MYOF: variants seen among roughly 807,000 people sequenced by gnomAD.
MYOF encodes myoferlin.
MYOF carries 244 observed loss-of-function variants against 284.2 expected under a neutral mutation model. The ratio of observed to expected loss-of-function variants is 0.86; its 90% confidence interval spans 0.77 to 0.95. MYOF has a LOEUF of 0.95. MYOF is among the 40% of genes least tolerant of loss of function. The pLI is 0.00. For synonymous variants in MYOF, 904 were observed against 919.7 expected (o/e 0.98, Z 0.31); for missense variants, 2,496 against 2,560.6 (o/e 0.97, Z 0.54).
intron 19 of MYOF, among the ~76,000 whole-genome samples, chr10:93,387,147 C>G (rs1262926506): frequency 1.3e-5 from 2 of 152,190 alleles, no homozygotes; most frequent in African/African-American, 4.8e-5. Context: ...TGTTTGGTTT[C>G]TGCTGTAAAG....
At chr10:93,412,214 A>T (rs554149072) in intron 5 of MYOF, among the ~76,000 whole-genome samples, 100 of 152,362 alleles carry the variant, frequency 6.6e-4, no homozygotes, top group African/African-American at 2.1e-3. Context: ...CCTCTCTGGT[A>T]TAAAACTGGG....
intron 3 of MYOF, among the ~76,000 whole-genome samples, chr10:93,449,309 A>T (rs1488259193): frequency 6.6e-6 from 1 of 152,236 alleles, no homozygotes; most frequent in African/African-American, 2.4e-5. Context: ...TATTTGTGTT[A>T]ATCTGGCAAC....
At chr10:93,343,768 T>C (rs1388232079) in intron 38 of MYOF, 88 bp downstream of exon 38, 2 of 1,338,274 alleles carry the variant, frequency 1.5e-6, no homozygotes, top group African/African-American at 2.9e-5. Flanking sequence ...TGCAACAAAC[T>C]GTTGTTTGAC....
Position 93,310,646 on chromosome 10 carries a change from T to C in MYOF, c.5890-3A>G. 6.2e-7 allele frequency: 1 copy of C among 1,613,972 alleles called. No individual in the cohort carries two copies. Among genetic ancestry groups the C allele is most frequent in the East Asian group, 2.2e-5 (1 of 44,880 alleles). On this transcript the variant is annotated splice_polypyrimidine_tract_variant and splice_region_variant and intron_variant, in intron 51 of 53. Transcript: ENST00000359263. Reference sequence around the variant, plus strand: ...TCCAATGTCATCTCCACTTTCCCCTTCAGTAAAGCAGAGCAGGTTAAACAT... The same window carrying C: ...TCCAATGTCATCTCCACTTTCCCCTCCAGTAAAGCAGAGCAGGTTAAACAT...
chr10:93,353,911 A>G lies in MYOF; in HGVS notation c.3404-23T>C, dbSNP rs548228541. 8.9e-6 allele frequency: 14 copies of G among 1,575,450 alleles called. 1 individual carries two copies. In the East Asian group the frequency reaches 2.9e-4, roughly 33 times the overall value. ...CTCCTAAAAAAACAGGATAAAGATTACTTACAAGAAGCGTAACACTGTAAA... is the reference window on the plus strand; with the variant it reads ...CTCCTAAAAAAACAGGATAAAGATTGCTTACAAGAAGCGTAACACTGTAAA... On this transcript the variant is annotated intron_variant, in intron 31 of 53. Coordinates refer to ENST00000359263, the MANE Select transcript of MYOF (RefSeq NM_013451.4).
At chr10:93,385,232 G>A (rs952323445) in intron 19 of MYOF, among the ~76,000 whole-genome samples, 6 of 152,144 alleles carry the variant, frequency 3.9e-5, no homozygotes, top group Non-Finnish European at 8.8e-5. Flanking sequence ...AGAAGCCAGC[G>A]GGTATTAGAA....
At chr10:93,413,614 T>C (rs1847993088) in intron 5 of MYOF, among the ~76,000 whole-genome samples, 1 of 152,168 alleles carries the variant, frequency 6.6e-6, no homozygotes, top group Admixed American at 6.5e-5. Flanking sequence ...AATCACCCAC[T>C]GAACAGGAAG....
At position 93,369,747 on chromosome 10, in the gene MYOF, C is replaced by T; in HGVS notation, c.2487G>A (p.Lys829=). 1 of 1,614,158 alleles carries T rather than the reference C, an allele frequency of 6.2e-7. No individual in the cohort carries two copies. ...TGTTCACTCGCAACTCCACAGGCAC[C>T]TTTGGCCCGTTGTTTTTCTCCTGTG... ...KYPQEKNNGP[K]VPVELRVNIW... The change falls in exon 25 of 54, where the codon AAG becomes AAA. Residue 829 remains lysine, a synonymous_variant. Coordinates refer to ENST00000359263, the MANE Select transcript of MYOF (RefSeq NM_013451.4).
intron 53 of MYOF, among the ~76,000 whole-genome samples, chr10:93,308,272 G>GT (rs1564605049): frequency 1.3e-5 from 2 of 149,782 alleles, no homozygotes; most frequent in Non-Finnish European, 3.0e-5. Context: ...AAAAATAGAA[G>GT]TTTTTTAAAT....
chr10:93,322,900 A>G (rs1274485887), intron 48 of MYOF, among the ~76,000 whole-genome samples, 178 bp downstream of exon 48: 1 of 152,220 alleles, frequency 6.6e-6, no homozygotes, highest in Non-Finnish European at 1.5e-5. Context: ...CAAAGTCTGT[A>G]CAGGTCTTGC....
chr10:93,388,800 G>C lies in MYOF; in HGVS notation c.1581+230C>G, dbSNP rs550790337. On this transcript the variant is annotated intron_variant, in intron 18 of 53. Transcript: ENST00000359263. ...CAGCCCAGGGGCTTATTAGGAAAGA[G>C]AGCCAGCATTGATTATTGATGTCTA... is the stretch of plus-strand genomic sequence containing the variant. Among the ~76,000 whole-genome samples, 5 of 152,354 alleles carry C rather than the reference G, an allele frequency of 3.3e-5. No individual in the cohort carries two copies. In the East Asian group the frequency reaches 9.6e-4, roughly 29 times the overall value.
intron 15 of MYOF, among the ~76,000 whole-genome samples, chr10:93,396,866 T>C (rs1174676465): frequency 6.6e-6 from 1 of 152,184 alleles, no homozygotes; most frequent in African/African-American, 2.4e-5. Context: ...TTGAGGTAGT[T>C]TTACCATTTT....
At chr10:93,461,402 G>A (rs560652874) in intron 1 of MYOF, among the ~76,000 whole-genome samples, 1 of 152,212 alleles carries the variant, frequency 6.6e-6, no homozygotes, top group Non-Finnish European at 1.5e-5. Context: ...CTAGTGGGGA[G>A]AGGAAATGTG....
At chr10:93,431,741 C>CTTT (rs1278856588) in intron 3 of MYOF, among the ~76,000 whole-genome samples, 4 of 134,444 alleles carry the variant, frequency 3.0e-5, no homozygotes, top group Non-Finnish European at 4.7e-5. Flanking sequence ...AAATTTCTTT[C>CTTT]TTTTCTTTTT....
chr10:93,465,458 C>G (rs1394939294), intron 1 of MYOF, among the ~76,000 whole-genome samples: 2 of 151,714 alleles, frequency 1.3e-5, no homozygotes, highest in African/African-American at 4.8e-5. Context: ...GGGCCTGGCA[C>G]ACAGTAAGCA....
intron 38 of MYOF, among the ~76,000 whole-genome samples, chr10:93,340,565 T>A (rs732866): frequency 0.3 from 45,585 of 152,010 alleles, 8,777 homozygotes; most frequent in East Asian, 0.89. Flanking sequence ...TTTAGTTCCT[T>A]AAATATATCT....
intron 45 of MYOF, among the ~76,000 whole-genome samples, chr10:93,327,347 A>G (rs1202061842): frequency 6.6e-6 from 1 of 152,070 alleles, no homozygotes; most frequent in African/African-American, 2.4e-5. Flanking sequence ...GCTCAAACCT[A>G]ACTTGTGGAC....
intron 31 of MYOF, among the ~76,000 whole-genome samples, chr10:93,354,184 T>G (rs982936842): frequency 1.3e-5 from 2 of 152,158 alleles, no homozygotes; most frequent in African/African-American, 4.8e-5. Flanking sequence ...GAGACCAGCC[T>G]GGTCAACATG....
intron 37 of MYOF, among the ~76,000 whole-genome samples, chr10:93,347,268 G>C (rs1035393084): frequency 2.0e-5 from 3 of 152,154 alleles, no homozygotes; most frequent in African/African-American, 7.2e-5. Context: ...AAAGTCCCCA[G>C]ACGGCCGGGC....
Sources: allele counts gnomAD v4.1 joint callset (sites outside exome capture counted in the v4.1 genomes callset), GRCh38; gene constraint gnomAD v4.1.1; transcripts MANE v1.5; gene names NCBI Gene and HGNC (gene_info 2026-07-23, HGNC 2026-07-21).